The following ZNF536 variants were observed in gnomAD, a reference collection of about 807,000 sequenced individuals.
ZNF536 encodes zinc finger protein 536.
ZNF536 carries 13 observed loss-of-function variants against 84.5 expected under a neutral mutation model. That is an observed-to-expected ratio of 0.15 (90% CI 0.10 to 0.24). The LOEUF is 0.24. Among genes scored for constraint, ZNF536 ranks in the 10% least tolerant of loss-of-function variants. ZNF536 has a pLI of 1.00. For missense variants in ZNF536, 1,536 were observed against 1,747.5 expected, an observed-to-expected ratio of 0.88 and a Z score of 2.16; for synonymous variants, 811 against 742.5, an observed-to-expected ratio of 1.09 and a Z score of -1.50.
At chr19:30,368,256 C>T (rs1286671788), upstream of ZNF536, among the ~76,000 whole-genome samples, 4 of 152,228 alleles carry the variant, frequency 2.6e-5, no homozygotes, top group Non-Finnish European at 5.9e-5. Context: ...CGTGTTCTTC[C>T]AGTCCATCCT....
intron 2 of ZNF536, among the ~76,000 whole-genome samples, chr19:30,295,638 C>T (rs731677): frequency 0.31 from 46,460 of 152,020 alleles, 9,665 homozygotes; most frequent in East Asian, 0.6. Context: ...GGAGTGGGAG[C>T]TGGGGGCTCC....
At chr19:30,614,694 A>G (rs1427408110) in intron 1 of ZNF536, among the ~76,000 whole-genome samples, 1 of 151,182 alleles carries the variant, frequency 6.6e-6, no homozygotes, top group African/African-American at 2.4e-5. Flanking sequence ...CTATTGAATG[A>G]TTTGTATCTT....
At chr19:30,673,025 G>A (rs538223014) in intron 1 of ZNF536, among the ~76,000 whole-genome samples, 7 of 152,204 alleles carry the variant, frequency 4.6e-5, no homozygotes, top group Admixed American at 3.3e-4. Flanking sequence ...AACCCCCTTG[G>A]CCAGAAAGCC....
intron 1 of ZNF536, among the ~76,000 whole-genome samples, chr19:30,663,127 G>A (rs1359869252): frequency 6.6e-6 from 1 of 151,962 alleles, no homozygotes; most frequent in East Asian, 1.9e-4. Context: ...TAAACAGTGG[G>A]CATTCTTTAG....
chr19:30,435,439 T>A, intron 1 of ZNF536, among the ~76,000 whole-genome samples: 1 of 149,812 alleles, frequency 6.7e-6, no homozygotes, highest in African/African-American at 2.5e-5. Flanking sequence ...GGTGATGATG[T>A]TGGTGAAGAT....
At position 30,557,242 on chromosome 19, in the gene ZNF536, A is replaced by G; in HGVS notation, c.*78A>G. Reference sequence around the variant, plus strand: ...CTCGGTGGTTATCTGCAGCTTGTTAATCGTGTAAAGTCAAGAGAAGAATGT... The same window carrying G: ...CTCGGTGGTTATCTGCAGCTTGTTAGTCGTGTAAAGTCAAGAGAAGAATGT... On this transcript the variant is annotated 3_prime_UTR_variant, in exon 5 of 5. Coordinates refer to ENST00000355537, the MANE Select transcript of ZNF536 (RefSeq NM_014717.3). 1 of 1,526,810 alleles carries G rather than the reference A, an allele frequency of 6.5e-7. No individual in the cohort carries two copies. The highest frequency in any genetic ancestry group is 1.1e-5 in the South Asian group (1 of 88,504). 94.6% of individuals were successfully genotyped at this position (1,526,810 alleles called of 1,614,324 possible). A position where few individuals can be genotyped will look rare whatever the true frequency, so the allele number is the denominator to read the frequency against.
intron 2 of ZNF536, among the ~76,000 whole-genome samples, chr19:30,503,063 T>G (rs2055014261): frequency 6.6e-6 from 1 of 152,168 alleles, no homozygotes; most frequent in Admixed American, 6.5e-5. Flanking sequence ...ACTTCTTCAT[T>G]TAACACAGTA....
chr19:30,557,041 CT>C, intron 4 of ZNF536, 115 bp from the exon 5 acceptor site: 1 of 1,175,922 alleles, frequency 8.5e-7, no homozygotes, highest in Non-Finnish European at 1.2e-6. Context: ...ATAAATAACA[CT>C]TTATTGTCAT....
intron 2 of ZNF536, among the ~76,000 whole-genome samples, chr19:30,468,692 G>A (rs192467605): frequency 1.4e-4 from 22 of 152,228 alleles, no homozygotes; most frequent in Admixed American, 1.4e-3. Flanking sequence ...ATGGTCTTGG[G>A]GGAAGCTGGT....
intron 1 of ZNF536, among the ~76,000 whole-genome samples, chr19:30,390,409 G>A (rs1188158842): frequency 6.6e-6 from 1 of 152,160 alleles, no homozygotes; most frequent in African/African-American, 2.4e-5. Context: ...GGTGAGGTGG[G>A]ACCAGGGTGG....
intron 1 of ZNF536, among the ~76,000 whole-genome samples, chr19:30,262,407 G>A (rs1203764611): frequency 6.6e-6 from 1 of 152,212 alleles, no homozygotes; most frequent in Non-Finnish European, 1.5e-5. Context: ...CAAAGCATGG[G>A]GCTTGTGCTG....
At chr19:30,563,209 C>T (rs1568557838) in intron 1 of ZNF536, among the ~76,000 whole-genome samples, 4 of 152,120 alleles carry the variant, frequency 2.6e-5, no homozygotes, top group Admixed American at 2.6e-4. Flanking sequence ...CCACCCTCAT[C>T]CTTGCCAATT....
intron 1 of ZNF536, among the ~76,000 whole-genome samples, chr19:30,669,913 G>A (rs913471810): frequency 1.3e-5 from 2 of 152,198 alleles, no homozygotes; most frequent in Admixed American, 1.3e-4. Flanking sequence ...GAACTAGGGC[G>A]GACTGGATTG....
intron 2 of ZNF536, among the ~76,000 whole-genome samples, chr19:30,455,906 C>T (rs1439575108): frequency 6.6e-6 from 1 of 152,144 alleles, no homozygotes; most frequent in Non-Finnish European, 1.5e-5. Flanking sequence ...TGTGTAAGTT[C>T]TTACTGAAAT....
chr19:30,268,042 C>T lies in ZNF536; in HGVS notation c.-189-16030C>T, dbSNP rs866348607. 5.1e-4 allele frequency among the ~76,000 whole-genome samples: 60 copies of T among 118,352 alleles called. 1 individual carries two copies. The highest frequency in any genetic ancestry group is 8.7e-4 in the Non-Finnish European group (47 of 54,144). The allele number at this position is 118,352 out of a possible 152,430, so 77.6% of individuals were successfully genotyped here. On this transcript the variant is annotated intron_variant, in intron 1 of 5. Coordinates refer to the ZNF536 transcript ENST00000585628. ...TTCTTTTCTTCCATCTTCCTCCCCC[C>T]GCCTCCCTCCCTTTCTCTCCCCCTC...
intron 2 of ZNF536, among the ~76,000 whole-genome samples, chr19:30,458,695 G>A (rs1345145208): frequency 1.3e-5 from 2 of 151,926 alleles, no homozygotes; most frequent in Admixed American, 6.6e-5. Context: ...CAGGTGATCC[G>A]GCCACCTCAG....
At chr19:30,547,836 G>A (rs1215957008) in intron 3 of ZNF536, 107 bp from the exon 4 acceptor site, 4 of 1,306,278 alleles carry the variant, frequency 3.1e-6, no homozygotes, top group Non-Finnish European at 4.1e-6. Flanking sequence ...CTAATTATTA[G>A]TTTGAGCTGC....
intron 1 of ZNF536, among the ~76,000 whole-genome samples, chr19:30,631,372 G>C (rs1183198697): frequency 6.6e-6 from 1 of 152,180 alleles, no homozygotes; most frequent in African/African-American, 2.4e-5. Flanking sequence ...TGGCTGAGCC[G>C]AGATCCTGCA....
intron 1 of ZNF536, among the ~76,000 whole-genome samples, chr19:30,431,028 G>A (rs1600700241): frequency 6.6e-6 from 1 of 152,174 alleles, no homozygotes; most frequent in African/African-American, 2.4e-5. Context: ...TGAACTGGAG[G>A]GTTATCCATT....
Sources: allele counts gnomAD v4.1 joint callset (sites outside exome capture counted in the v4.1 genomes callset), GRCh38; gene constraint gnomAD v4.1.1; transcripts MANE v1.5; gene names NCBI Gene and HGNC (gene_info 2026-07-23, HGNC 2026-07-21).